PIK3C2G: variants seen among roughly 807,000 people sequenced by gnomAD.
PIK3C2G encodes phosphatidylinositol-4-phosphate 3-kinase catalytic subunit type 2 gamma.
Under a neutral mutation model 181.1 loss-of-function variants are expected in PIK3C2G, and 168 were observed. That is an observed-to-expected ratio of 0.93 (90% confidence interval 0.82 to 1.05). The LOEUF (loss-of-function observed/expected upper bound fraction) is 1.05. PIK3C2G is among the 50% of genes least tolerant of loss of function. The pLI is 0.00. For missense variants in PIK3C2G, 1,869 were observed against 1,732.8 expected (o/e 1.08, Z -1.40); for synonymous variants, 573 against 592.2 (o/e 0.97, Z 0.47).
At chr12:18,257,590 G>A (rs1948158014), upstream of PIK3C2G, among the ~76,000 whole-genome samples, 1 of 151,462 alleles carries the variant, frequency 6.6e-6, no homozygotes. Flanking sequence ...CTGCAGTATT[G>A]CTTTGAAAAA....
At chr12:18,683,765 T>C in the PIK3C2G span, 12,531 of 565,158 alleles carry the variant, frequency 0.022, 189 homozygotes, top group Non-Finnish European at 0.03. Flanking sequence ...AGGCTCCCAA[T>C]CTCTTCTCCT....
At chr12:18,417,534 C>T (rs925020909) in intron 16 of PIK3C2G, among the ~76,000 whole-genome samples, 6 of 152,142 alleles carry the variant, frequency 3.9e-5, no homozygotes, top group African/African-American at 1.4e-4. Flanking sequence ...CCTTCAGCAA[C>T]CACCATCCTG....
chr12:18,504,675 A>G (rs917468341), intron 23 of PIK3C2G, among the ~76,000 whole-genome samples: 1 of 152,232 alleles, frequency 6.6e-6, no homozygotes, highest in Non-Finnish European at 1.5e-5. Flanking sequence ...TTTTGGAAAG[A>G]AACATCTGCT....
chr12:18,593,295 A>G (rs1217818366), intron 29 of PIK3C2G, among the ~76,000 whole-genome samples: 1 of 151,932 alleles, frequency 6.6e-6, no homozygotes, highest in Admixed American at 6.6e-5. Context: ...AAATAATTCA[A>G]CTATGACAGA....
chr12:18,258,511 C>T (rs571013332), upstream of PIK3C2G, among the ~76,000 whole-genome samples: 116 of 152,134 alleles, frequency 7.6e-4, no homozygotes, highest in African/African-American at 1.9e-3. Flanking sequence ...TTAGATTTCA[C>T]ACATGAGTAA....
the PIK3C2G span, among the ~76,000 whole-genome samples, chr12:18,717,128 A>G: frequency 1.6e-4 from 25 of 152,286 alleles, no homozygotes; most frequent in South Asian, 4.8e-3. Context: ...GAAAAGTACA[A>G]TTAAATTTAA....
chr12:18,308,735 T>A (rs12296791), intron 5 of PIK3C2G, among the ~76,000 whole-genome samples: 1 of 151,554 alleles, frequency 6.6e-6, no homozygotes, highest in South Asian at 2.1e-4. Context: ...ATATTTACCA[T>A]GTTGGAAATT....
intron 24 of PIK3C2G, among the ~76,000 whole-genome samples, chr12:18,526,081 T>C (rs1439786163): frequency 6.6e-6 from 1 of 152,190 alleles, no homozygotes; most frequent in Non-Finnish European, 1.5e-5. Context: ...TTAATTTAAT[T>C]TCTAATTTGA....
chr12:18,371,391 A>G lies in PIK3C2G; in HGVS notation c.1880+80A>G. The G allele has an allele frequency of 4.3e-6, 5 of 1,154,156 alleles. 2 individuals are homozygous for G. The South Asian group carries it at 9.3e-5, about 21-fold the overall frequency. 71.5% of individuals were successfully genotyped at this position (1,154,156 alleles called of 1,614,324 possible). A position where few individuals can be genotyped will look rare whatever the true frequency, so the allele number is the denominator to read the frequency against. ...AAGTAAATATTTTGGAGTATATGGC[A>G]TAATGAGGAAATCAAGACATTTTAT... is the stretch of plus-strand genomic sequence containing the variant. On this transcript the variant is annotated intron_variant, in intron 13 of 32. Transcript: ENST00000538779.
intron 22 of PIK3C2G, among the ~76,000 whole-genome samples, chr12:18,501,365 T>C (rs1941467092): frequency 6.6e-6 from 1 of 152,074 alleles, no homozygotes; most frequent in Non-Finnish European, 1.5e-5. Flanking sequence ...CCATCAAATC[T>C]TGTGAGAACT....
chr12:18,287,388 A>C (rs918515800), intron 3 of PIK3C2G, among the ~76,000 whole-genome samples: 1 of 152,226 alleles, frequency 6.6e-6, no homozygotes, highest in Admixed American at 6.5e-5. Context: ...ATGCATTGAG[A>C]AATGAATTTG....
At chr12:18,477,555 T>C (rs374360971) in intron 18 of PIK3C2G, among the ~76,000 whole-genome samples, 2 of 152,160 alleles carry the variant, frequency 1.3e-5, no homozygotes, top group African/African-American at 2.4e-5. Context: ...GGAGGCCTCA[T>C]AGAACAACAC....
chr12:18,560,199 C>A (rs1235146624), intron 26 of PIK3C2G, among the ~76,000 whole-genome samples: 1 of 151,876 alleles, frequency 6.6e-6, no homozygotes, highest in Non-Finnish European at 1.5e-5. Flanking sequence ...AAAAAATCCT[C>A]TACTCCTTCC....
chr12:18,282,134 A>T lies in PIK3C2G; in HGVS notation c.53A>T (p.Gln18Leu). ...AATCCTAATGAATCACACGAAAAGC[A>T]GTATGAACACCAAGAATTTCTCTTT... ...DPNPNESHEK[Q>L]YEHQEFLFVN... The change falls in exon 2 of 33, where the codon CAG becomes CTG. Residue 18 changes from glutamine to leucine, a missense_variant. By Grantham distance (113) the Gln-to-Leu change is moderately radical (BLOSUM62 -2). Transcript: ENST00000538779. 6.2e-7 allele frequency: 1 copy of T among 1,609,060 alleles called. No individual in the cohort carries two copies. Among genetic ancestry groups the T allele is most frequent in the African/African-American group, 1.3e-5 (1 of 75,004 alleles).
At chr12:18,676,367 C>T in the PIK3C2G span, among the ~76,000 whole-genome samples, 3 of 151,996 alleles carry the variant, frequency 2.0e-5, no homozygotes, top group Admixed American at 1.3e-4. Flanking sequence ...TAATCCATGT[C>T]CCATAGTCAG....
At chr12:18,558,868 C>G (rs1352174473) in intron 26 of PIK3C2G, among the ~76,000 whole-genome samples, 6 of 152,106 alleles carry the variant, frequency 3.9e-5, no homozygotes, top group Non-Finnish European at 8.8e-5. Flanking sequence ...TATATTTTTA[C>G]TTGATTAATT....
chr12:18,656,457 T>C, the PIK3C2G span, among the ~76,000 whole-genome samples: 1 of 151,994 alleles, frequency 6.6e-6, no homozygotes, highest in African/African-American at 2.4e-5. Context: ...TCCCAGCTAC[T>C]TGGAAGGCTG....
intron 24 of PIK3C2G, among the ~76,000 whole-genome samples, chr12:18,521,204 G>T (rs1180498867): frequency 6.6e-6 from 1 of 152,208 alleles, no homozygotes; most frequent in East Asian, 1.9e-4. Context: ...GACAACCTCT[G>T]TTGGAGGGTC....
chr12:18,271,813 G>A lies in PIK3C2G; in HGVS notation c.-78-10191G>A, dbSNP rs753677087. ...ACCCACATGTAATAACTGCTTATTCGGCATCTTCACATAGATTTTGTACAA... is the reference window on the plus strand; with the variant it reads ...ACCCACATGTAATAACTGCTTATTCAGCATCTTCACATAGATTTTGTACAA... On this transcript the variant is annotated intron_variant, in intron 1 of 32. Coordinates refer to ENST00000538779, the MANE Select transcript of PIK3C2G (RefSeq NM_001288772.2). Among the ~76,000 whole-genome samples, 7 of 151,956 alleles carry A rather than the reference G, an allele frequency of 4.6e-5. 1 individual carries two copies. The highest frequency in any genetic ancestry group is 3.9e-4 in the East Asian group (2 of 5,188).
Sources: gnomAD v4.1 joint callset for allele counts (sites outside exome capture counted in the v4.1 genomes callset) on GRCh38, gnomAD v4.1.1 for gene constraint, MANE v1.5 for transcripts, NCBI Gene and HGNC (gene_info 2026-07-23, HGNC 2026-07-21) for gene names.